PDSS2: variants seen among roughly 807,000 people sequenced by gnomAD.
PDSS2 encodes the protein all trans-polyprenyl-diphosphate synthase PDSS2.
A neutral mutation model predicts 44.5 loss-of-function variants in PDSS2; 31 were observed. The observed-to-expected ratio is 0.70, with a 90% confidence interval of 0.52 to 0.94. The LOEUF (loss-of-function observed/expected upper bound fraction) is 0.94, where lower values mean the gene tolerates loss of function less well. Ranked by LOEUF, PDSS2 falls within the 40% of genes least tolerant of loss-of-function variation. PDSS2 has a pLI of 0.00. For missense variants in PDSS2, 452 were observed against 482.2 expected (o/e 0.94, Z 0.59); for synonymous variants, 157 against 180.3 (o/e 0.87, Z 1.03).
chr6:107,407,194 A>G (rs1430521207), intron 1 of PDSS2, among the ~76,000 whole-genome samples: 1 of 152,252 alleles, frequency 6.6e-6, no homozygotes, highest in Non-Finnish European at 1.5e-5. Context: ...AGTAAGCCAG[A>G]AATAAAGAAC....
intron 4 of PDSS2, among the ~76,000 whole-genome samples, chr6:107,223,777 C>G (rs1266637679): frequency 1.3e-5 from 2 of 149,400 alleles, no homozygotes; most frequent in African/African-American, 5.0e-5. Flanking sequence ...CCCGACCCAC[C>G]AAGAGCATTT....
intron 3 of PDSS2, among the ~76,000 whole-genome samples, chr6:107,262,896 C>G (rs1040001830): frequency 6.6e-6 from 1 of 151,708 alleles, no homozygotes; most frequent in Non-Finnish European, 1.5e-5. Context: ...GCTAGATAGT[C>G]CGGCCTGGGC....
chr6:107,233,833 T>TA lies in PDSS2; in HGVS notation c.702+11714dup, dbSNP rs1243279662. Among the ~76,000 whole-genome samples the TA allele has an allele frequency of 1.0e-3, 145 of 145,020 alleles. 1 individual carries two copies. Among genetic ancestry groups the TA allele is most frequent in the East Asian group, 4.0e-3 (20 of 4,966 alleles). On this transcript the variant is annotated intron_variant, in intron 4 of 7. Coordinates refer to ENST00000369037, the MANE Select transcript of PDSS2 (RefSeq NM_020381.4). Reference sequence around the variant, plus strand: ...GTCTCTGAATTAATAAATATAAATGTAAAAAAAAAAATAAAGACTCCAATG... The same window carrying TA: ...GTCTCTGAATTAATAAATATAAATGTAAAAAAAAAAAATAAAGACTCCAATG...
intron 1 of PDSS2, among the ~76,000 whole-genome samples, chr6:107,444,818 G>A (rs1352639554): frequency 1.3e-5 from 2 of 152,046 alleles, no homozygotes; most frequent in Non-Finnish European, 2.9e-5. Flanking sequence ...CCCTACAAAG[G>A]AATCAACACA....
chr6:107,361,575 C>T (rs986566349), intron 1 of PDSS2, among the ~76,000 whole-genome samples: 1 of 152,168 alleles, frequency 6.6e-6, no homozygotes, highest in African/African-American at 2.4e-5. Context: ...TTAAACTACG[C>T]CCCTACCACC....
intron 7 of PDSS2, among the ~76,000 whole-genome samples, chr6:107,184,988 A>G (rs1211124387): frequency 2.0e-5 from 3 of 152,040 alleles, no homozygotes; most frequent in African/African-American, 7.2e-5. Flanking sequence ...AAGCCTAGAG[A>G]AAGACCAGTG....
chr6:107,274,537 A>G (rs182605266), intron 2 of PDSS2, among the ~76,000 whole-genome samples: 1 of 152,106 alleles, frequency 6.6e-6, no homozygotes, highest in Non-Finnish European at 1.5e-5. Flanking sequence ...CTCTTGGTAT[A>G]CTTTCCTCAC....
At chr6:107,411,311 C>T (rs1780485741) in intron 1 of PDSS2, among the ~76,000 whole-genome samples, 1 of 152,176 alleles carries the variant, frequency 6.6e-6, no homozygotes, top group Admixed American at 6.5e-5. Flanking sequence ...TGCATTTGTA[C>T]TTTTGACAGA....
At chr6:107,325,575 C>T (rs2500581) in intron 2 of PDSS2, among the ~76,000 whole-genome samples, 1 of 151,888 alleles carries the variant, frequency 6.6e-6, no homozygotes, top group Non-Finnish European at 1.5e-5. Context: ...TTTTTTTATA[C>T]TTTATTATTT....
At chr6:107,437,295 G>C (rs1441131234) in intron 1 of PDSS2, among the ~76,000 whole-genome samples, 1 of 152,158 alleles carries the variant, frequency 6.6e-6, no homozygotes, top group Non-Finnish European at 1.5e-5. Context: ...GCCAAGGTGG[G>C]CAGATCACTT....
Position 107,154,402 on chromosome 6 carries a change from C to T in PDSS2, c.*217G>A, listed in dbSNP as rs1582702440. 1.3e-5 allele frequency: 7 copies of T among 523,744 alleles called. No homozygotes were observed. In the East Asian group the frequency reaches 2.5e-4, roughly 18 times the overall value. 32.4% of individuals were successfully genotyped at this position (523,744 alleles called of 1,614,324 possible). A position where few individuals can be genotyped will look rare whatever the true frequency, so the allele number is the denominator to read the frequency against. On this transcript the variant is annotated 3_prime_UTR_variant, in exon 8 of 8. Transcript: ENST00000369037. ...TTCTGCGACTGCAGCCTCAAGTGTG[C>T]TTCTGGCGTGACAAGTGAAAACTGC...
chr6:107,262,557 G>A (rs1459749479), intron 3 of PDSS2, among the ~76,000 whole-genome samples: 1 of 152,018 alleles, frequency 6.6e-6, no homozygotes, highest in African/African-American at 2.4e-5. Context: ...CAGATCACGA[G>A]GTCAGGAGAT....
At chr6:107,273,882 AT>A in intron 3 of PDSS2, 146 bp downstream of exon 3, 2 of 695,732 alleles carry the variant, frequency 2.9e-6, no homozygotes, top group Non-Finnish European at 5.2e-6. Context: ...TAACACTGCC[AT>A]CATTATGTTC....
At chr6:107,256,530 T>G (rs982162211) in intron 3 of PDSS2, among the ~76,000 whole-genome samples, 1 of 152,122 alleles carries the variant, frequency 6.6e-6, no homozygotes, top group African/African-American at 2.4e-5. Flanking sequence ...GTTTGTACTC[T>G]AAAGGCAGGC....
At chr6:107,404,293 G>A (rs1333477800) in intron 1 of PDSS2, among the ~76,000 whole-genome samples, 1 of 152,132 alleles carries the variant, frequency 6.6e-6, no homozygotes, top group Admixed American at 6.5e-5. Context: ...AAGTCTCTAG[G>A]AAGTTCCAAA....
chr6:107,328,604 T>C (rs1285789292), intron 2 of PDSS2, among the ~76,000 whole-genome samples: 3 of 152,140 alleles, frequency 2.0e-5, no homozygotes, highest in African/African-American at 7.2e-5. Context: ...CTCACAGAGT[T>C]CTCATTAGGA....
chr6:107,419,433 A>G (rs1056579775), intron 1 of PDSS2, among the ~76,000 whole-genome samples: 2 of 152,198 alleles, frequency 1.3e-5, no homozygotes, highest in Admixed American at 1.3e-4. Flanking sequence ...GCTCCAAGAA[A>G]AAGGTCCTTA....
chr6:107,295,578 A>AT (rs1039157017), intron 2 of PDSS2, among the ~76,000 whole-genome samples: 4 of 152,132 alleles, frequency 2.6e-5, no homozygotes, highest in African/African-American at 9.7e-5. Flanking sequence ...AATCATTAAG[A>AT]TTTTATATGG....
chr6:107,293,171 G>A (rs1047655469), intron 2 of PDSS2, among the ~76,000 whole-genome samples: 12 of 152,110 alleles, frequency 7.9e-5, no homozygotes, highest in African/African-American at 1.2e-4. Flanking sequence ...TGGACATATG[G>A]GAATCCCTAG....
Sources: allele counts gnomAD v4.1 joint callset (sites outside exome capture counted in the v4.1 genomes callset), GRCh38; gene constraint gnomAD v4.1.1; transcripts MANE v1.5; gene names NCBI Gene and HGNC (gene_info 2026-07-23, HGNC 2026-07-21).